DHX37: variants seen among roughly 807,000 people sequenced by gnomAD.
The protein encoded by DHX37 is probable ATP-dependent RNA helicase DHX37.
In DHX37, 52 loss-of-function variants were observed where a neutral mutation model predicts 134.3. That is an observed-to-expected ratio of 0.39 (90% CI 0.31 to 0.49). DHX37 has a LOEUF of 0.49. Ranked by LOEUF, DHX37 falls within the 20% of genes least tolerant of loss-of-function variation. The probability of loss-of-function intolerance (pLI) is 0.93; values close to 1 mark genes in which losing one functional copy is unlikely to be tolerated. For missense variants in DHX37, 1,344 were observed against 1,580.8 expected, an observed-to-expected ratio of 0.85 and a Z score of 2.54; for synonymous variants, 634 against 670.7, an observed-to-expected ratio of 0.95 and a Z score of 0.85.
intron 8 of DHX37, 100 bp from the exon 9 acceptor site, chr12:124,969,068 C>T (rs1040667761): frequency 1.2e-5 from 14 of 1,151,582 alleles, no homozygotes; most frequent in African/African-American, 1.5e-5. Flanking sequence ...ACCCCGTTTC[C>T]AGCCCCCACC....
At chr12:124,977,233 C>T in intron 5 of DHX37, 109 bp downstream of exon 5, 1 of 1,348,424 alleles carries the variant, frequency 7.4e-7, no homozygotes, top group Non-Finnish European at 9.7e-7. Context: ...ACAGCATGCA[C>T]AGGGCAGATC....
At chr12:124,965,405 A>T (rs1018486090) in intron 13 of DHX37, among the ~76,000 whole-genome samples, 1 of 152,172 alleles carries the variant, frequency 6.6e-6, no homozygotes, top group South Asian at 2.1e-4. Context: ...GCCTGCATTC[A>T]GGGGGCCCCT....
chr12:124,968,402 G>T, intron 10 of DHX37, 132 bp downstream of exon 10: 1 of 1,447,876 alleles, frequency 6.9e-7, no homozygotes, highest in Non-Finnish European at 9.3e-7. Flanking sequence ...TCTGGAATAA[G>T]TGAGGAAGCC....
intron 2 of DHX37, among the ~76,000 whole-genome samples, chr12:124,985,827 T>TA (rs369516534): frequency 0.012 from 1,559 of 134,274 alleles, 28 homozygotes; most frequent in African/African-American, 0.035. Flanking sequence ...AAATTTAAAT[T>TA]AAAAAAAAAA....
intron 15 of DHX37, among the ~76,000 whole-genome samples, chr12:124,962,673 A>G (rs1030671975): frequency 7.1e-6 from 1 of 141,352 alleles, no homozygotes; most frequent in Non-Finnish European, 1.5e-5. Flanking sequence ...CAAAACAAAC[A>G]AACAAACAAA....
At chr12:124,947,973 TG>T in intron 26 of DHX37, 86 bp from the exon 27 acceptor site, 1 of 1,612,402 alleles carries the variant, frequency 6.2e-7, no homozygotes, top group Non-Finnish European at 8.5e-7. Flanking sequence ...CCAGCAGCCG[TG>T]GGGCCAGATC....
Position 124,950,766 on chromosome 12 carries a change from G to A in DHX37, c.2907C>T (p.Ser969=), listed in dbSNP as rs1418121580. 6.2e-7 allele frequency: 1 copy of A among 1,610,080 alleles called. No homozygotes were observed. Among genetic ancestry groups the A allele is most frequent in the Admixed American group, 1.7e-5 (1 of 58,224 alleles). Residue 969 remains serine, a synonymous_variant, in exon 22 of 27, where the codon AGC becomes AGT. Coordinates refer to ENST00000308736, the MANE Select transcript of DHX37 (RefSeq NM_032656.4). The part of the protein sequence containing the change: ...LLDDPVFIHP[S]SVLFKELPEF... ...CGGGGAGCTCTTTGAAAAGGACGGA[G>A]CTGGGGTGGATGAAGACAGGGTCGT...
intron 2 of DHX37, among the ~76,000 whole-genome samples, chr12:124,983,785 C>CAAA (rs11298102): frequency 2.3e-4 from 27 of 117,420 alleles, no homozygotes; most frequent in African/African-American, 8.0e-4. Context: ...ACCTTGTCTC[C>CAAA]AAAAAAAAAA....
At chr12:124,956,557 C>T in intron 18 of DHX37, 134 bp downstream of exon 18, 1 of 1,125,448 alleles carries the variant, frequency 8.9e-7, no homozygotes, top group Non-Finnish European at 1.2e-6. Context: ...TGCACAATCT[C>T]AGCTCACTGC....
intron 20 of DHX37, 82 bp from the exon 21 acceptor site, chr12:124,952,652 A>T: frequency 1.4e-6 from 2 of 1,423,802 alleles, no homozygotes; most frequent in Non-Finnish European, 1.9e-6. Context: ...AGTCCCAACC[A>T]TGCTCAGTGC....
At chr12:124,982,676 G>A in intron 2 of DHX37, 53 bp from the exon 3 acceptor site, 1 of 1,590,996 alleles carries the variant, frequency 6.3e-7, no homozygotes, top group East Asian at 2.3e-5. Context: ...CCTCTCTTAA[G>A]AAGGGAAGTG....
At chr12:124,958,203 C>T (rs1409288465) in intron 16 of DHX37, among the ~76,000 whole-genome samples, 1 of 152,228 alleles carries the variant, frequency 6.6e-6, no homozygotes. Flanking sequence ...CACACACTTT[C>T]AATGGGTGAC....
chr12:124,956,802 G>A lies in DHX37; in HGVS notation c.2342C>T (p.Ala781Val), dbSNP rs772727457. The A allele has an allele frequency of 3.1e-6, 5 of 1,611,748 alleles. No individual in the cohort carries two copies. Among genetic ancestry groups the A allele is most frequent in the East Asian group, 2.2e-5 (1 of 44,778 alleles). ...TGCCAGCATCTTAGCGTAGCGGGGTGCCACGGGGAATGTGGCCATTGTCCG... is the reference window on the plus strand; with the variant it reads ...TGCCAGCATCTTAGCGTAGCGGGGTACCACGGGGAATGTGGCCATTGTCCG... ...LGRTMATFPV[A>V]PRYAKMLALS... Residue 781 changes from alanine to valine, a missense_variant, in exon 18 of 27, where the codon GCA (alanine) becomes GTA (valine). This residue lies in a region of DHX37 where 558 missense variants were observed against 650.0 expected (regional missense o/e 0.86). Coordinates refer to ENST00000308736, the MANE Select transcript of DHX37 (RefSeq NM_032656.4).
At chr12:124,968,826 G>T in intron 9 of DHX37, 41 bp downstream of exon 9, 1 of 1,611,840 alleles carries the variant, frequency 6.2e-7, no homozygotes. Flanking sequence ...GGGCGTCCTT[G>T]TGCCATCCAA....
Position 124,950,052 on chromosome 12 carries a change from C to T in DHX37, c.3224G>A (p.Arg1075His), listed in dbSNP as rs201427040. Residue 1075 changes from arginine to histidine, a missense_variant, in exon 25 of 27, where the codon CGC (arginine) becomes CAC (histidine). This residue lies in a region of DHX37 where 558 missense variants were observed against 650.0 expected (regional missense o/e 0.86). Coordinates refer to ENST00000308736, the MANE Select transcript of DHX37 (RefSeq NM_032656.4). ...ACAGCTCCGGTATGAGGCCAGCTTG[C>T]GGAAGACCTGATGAGAGACCACAGG... ...ARFLLEGQVFRKLASYRSCLL... is the reference protein window; with the variant it reads ...ARFLLEGQVFHKLASYRSCLL... 85 of 1,613,434 alleles carry T rather than the reference C, an allele frequency of 5.3e-5. No homozygotes were observed. The East Asian group carries it at 1.6e-3, about 31-fold the overall frequency.
intron 6 of DHX37, among the ~76,000 whole-genome samples, chr12:124,974,669 C>T (rs1227437992): frequency 1.3e-5 from 2 of 151,858 alleles, no homozygotes; most frequent in African/African-American, 2.4e-5. Flanking sequence ...ATGTTAGACA[C>T]AGGCCTCTGC....
chr12:124,965,583 G>A, intron 13 of DHX37, 85 bp downstream of exon 13: 2 of 1,464,310 alleles, frequency 1.4e-6, no homozygotes, highest in Non-Finnish European at 1.8e-6. Flanking sequence ...TAGAACCCCG[G>A]CCCCCGGGGG....
intron 12 of DHX37, 56 bp from the exon 13 acceptor site, chr12:124,965,868 T>C: frequency 2.5e-6 from 4 of 1,578,210 alleles, no homozygotes; most frequent in Non-Finnish European, 3.5e-6. Flanking sequence ...TGTGAGGACG[T>C]GGCACGTGCA....
intron 5 of DHX37, among the ~76,000 whole-genome samples, chr12:124,976,690 C>T (rs1368488009): frequency 1.3e-5 from 2 of 151,730 alleles, no homozygotes; most frequent in African/African-American, 4.8e-5. Context: ...ATTAGCTGGG[C>T]GTGGTGGTGG....
Sources: gnomAD v4.1 joint callset for allele counts (sites outside exome capture counted in the v4.1 genomes callset) on GRCh38, gnomAD v4.1.1 for gene constraint, gnomAD v4.1.1 regional missense constraint, MANE v1.5 for transcripts, NCBI Gene and HGNC (gene_info 2026-07-23, HGNC 2026-07-21) for gene names.